FKBP1B: variants seen among roughly 807,000 people sequenced by gnomAD.
FKBP1B encodes peptidyl-prolyl cis-trans isomerase FKBP1B.
In FKBP1B, 4 loss-of-function variants were observed where a neutral mutation model predicts 13.5. The observed-to-expected ratio is 0.30, with a 90% CI of 0.15 to 0.68. FKBP1B has a LOEUF of 0.68. FKBP1B is among the 30% of genes least tolerant of loss of function. FKBP1B has a pLI of 0.76. For missense variants in FKBP1B, 93 were observed against 136.2 expected (o/e 0.68, Z 1.58); for synonymous variants, 54 against 53.6 (o/e 1.01, Z -0.03).
chr2:24,035,776 T>TA, the FKBP1B span, among the ~76,000 whole-genome samples: 11 of 150,056 alleles, frequency 7.3e-5, no homozygotes, highest in African/African-American at 1.7e-4. Flanking sequence ...TTTTTTTAAT[T>TA]AAAAAAAAAT....
chr2:24,061,640 T>G (rs940151492), intron 3 of FKBP1B, among the ~76,000 whole-genome samples: 9 of 152,204 alleles, frequency 5.9e-5, no homozygotes, highest in African/African-American at 1.9e-4. Context: ...CAGCTTCCCC[T>G]TCTTGCATAA....
the FKBP1B span, chr2:24,038,595 A>G: frequency 6.2e-7 from 1 of 1,613,942 alleles, no homozygotes. Flanking sequence ...TTAGACAAAT[A>G]AGAGAATTAC....
At chr2:24,052,790 G>A (rs952510884) in intron 1 of FKBP1B, among the ~76,000 whole-genome samples, 1 of 152,000 alleles carries the variant, frequency 6.6e-6, no homozygotes, top group African/African-American at 2.4e-5. Context: ...AACATGTTAA[G>A]ACCCTGTCTC....
At chr2:24,045,493 T>C (rs1202389078), upstream of FKBP1B, among the ~76,000 whole-genome samples, 1 of 150,194 alleles carries the variant, frequency 6.7e-6, no homozygotes, top group Non-Finnish European at 1.5e-5. Flanking sequence ...TCCAGCTACT[T>C]GGGAGGCTGC....
At chr2:24,047,717 G>A (rs985813539), upstream of FKBP1B, among the ~76,000 whole-genome samples, 5 of 152,110 alleles carry the variant, frequency 3.3e-5, no homozygotes, top group African/African-American at 1.2e-4. Context: ...GGATCACCAC[G>A]GCTTTTTAAC....
intron 3 of FKBP1B, among the ~76,000 whole-genome samples, chr2:24,062,856 G>C (rs1420965956): frequency 6.6e-6 from 1 of 152,220 alleles, no homozygotes. Flanking sequence ...GAGGGTTACT[G>C]CCCCACAGTC....
In FKBP1B at chr2:24,060,859, A is replaced by G. The variant is rs765862968; in HGVS notation, c.131A>G (p.Asn44Ser). The G allele has an allele frequency of 8.1e-6, 13 of 1,614,228 alleles. No individual in the cohort carries two copies. The South Asian group carries it at 1.3e-4, about 16-fold the overall frequency. Reference protein sequence around the residue: ...GKKFDSSRDRNKPFKFRIGKQ... With the variant: ...GKKFDSSRDRSKPFKFRIGKQ... ...AAGTTTGATTCATCCAGAGACAGAAACAAACCTTTCAAGTTCAGAATTGGC... is the reference window on the plus strand; with the variant it reads ...AAGTTTGATTCATCCAGAGACAGAAGCAAACCTTTCAAGTTCAGAATTGGC... Residue 44 changes from asparagine (N) to serine (S), a missense_variant, in exon 3 of 4, where the codon AAC becomes AGC. Asn to Ser is a conservative substitution (Grantham distance 46). Transcript: ENST00000380986.
intron 2 of FKBP1B, among the ~76,000 whole-genome samples, chr2:24,055,698 T>C (rs1043919223): frequency 6.6e-6 from 1 of 152,256 alleles, no homozygotes; most frequent in Admixed American, 6.5e-5. Context: ...GCAATTTATG[T>C]ATCCTCTCTA....
chr2:24,047,884 T>C (rs1288893900), upstream of FKBP1B, among the ~76,000 whole-genome samples: 1 of 152,202 alleles, frequency 6.6e-6, no homozygotes, highest in Non-Finnish European at 1.5e-5. Context: ...AGCCTATGGA[T>C]TTAGTGCGTC....
chr2:24,049,886 G>A lies in FKBP1B; in HGVS notation c.37G>A (p.Gly13Arg). The A allele has an allele frequency of 1.4e-6, 2 of 1,414,392 alleles. No individual in the cohort carries two copies. Among genetic ancestry groups the A allele is most frequent in the East Asian group, 3.0e-5 (1 of 33,166 alleles). The allele number at this position is 1,414,392 out of a possible 1,614,324, so 87.6% of individuals were successfully genotyped here. The change falls in exon 1 of 4, where the codon GGA becomes AGA. Residue 13 changes from glycine (G) to arginine (R), a missense_variant and splice_region_variant. Coordinates refer to ENST00000380986, the MANE Select transcript of FKBP1B (RefSeq NM_004116.5). ...GATCGAGACCATCTCCCCCGGAGAC[G>A]GTACCGGGCTCCCTCCGGAGCCAGG... ...VEIETISPGD[G>R]RTFPKKGQTC...
chr2:24,056,781 C>T (rs1664147791), intron 2 of FKBP1B, among the ~76,000 whole-genome samples: 1 of 152,088 alleles, frequency 6.6e-6, no homozygotes, highest in African/African-American at 2.4e-5. Context: ...ACCTACACTT[C>T]CCGGGTTCAA....
the FKBP1B span, chr2:24,038,278 T>C: frequency 1.2e-6 from 2 of 1,614,224 alleles, no homozygotes; most frequent in South Asian, 1.1e-5. Flanking sequence ...AGTGAGTTTT[T>C]GTTTTCCTAC....
At chr2:24,033,671 G>A in the FKBP1B span, among the ~76,000 whole-genome samples, 2 of 152,186 alleles carry the variant, frequency 1.3e-5, no homozygotes, top group East Asian at 1.9e-4. Flanking sequence ...AACCCAGGAG[G>A]CAAAGGTTGC....
In FKBP1B at chr2:24,050,413, C is replaced by T. The variant is rs867318696; in HGVS notation, c.37+527C>T. ...GGGAAGGGGGAAGCGCTCCCTTGCC[C>T]GCTTCCGGATCTCGCTTTATCCTGC... is the stretch of plus-strand genomic sequence containing the variant. On this transcript the variant is annotated intron_variant, in intron 1 of 3. Transcript: ENST00000380986. The surrounding 1 kb of genome is among the most constrained non-coding windows in gnomAD (Gnocchi z 5.8). Among the ~76,000 whole-genome samples, 1 of 152,184 alleles carries T rather than the reference C, an allele frequency of 6.6e-6. No individual in the cohort carries two copies. The highest frequency in any genetic ancestry group is 1.9e-4 in the East Asian group (1 of 5,182).
chr2:24,059,187 G>T (rs952480779), intron 2 of FKBP1B, among the ~76,000 whole-genome samples: 1 of 152,136 alleles, frequency 6.6e-6, no homozygotes, highest in Non-Finnish European at 1.5e-5. Flanking sequence ...GGTGGTCCAG[G>T]GACTGCCGGG....
At chr2:24,053,287 ATTTT>A (rs34185660) in intron 1 of FKBP1B, among the ~76,000 whole-genome samples, 7 of 110,124 alleles carry the variant, frequency 6.4e-5, no homozygotes, top group South Asian at 3.3e-4. Context: ...AATTGAAAAG[ATTTT>A]TTTTTTTTTT....
chr2:24,050,558 G>A lies in FKBP1B; in HGVS notation c.37+672G>A, dbSNP rs1418913677. Among the ~76,000 whole-genome samples, 1 of 152,148 alleles carries A rather than the reference G, an allele frequency of 6.6e-6. No individual in the cohort carries two copies. The highest frequency in any genetic ancestry group is 6.5e-5 in the Admixed American group (1 of 15,284). On this transcript the variant is annotated intron_variant, in intron 1 of 3. Coordinates refer to ENST00000380986, the MANE Select transcript of FKBP1B (RefSeq NM_004116.5). This position sits in a 1 kb window ranked among gnomAD's most constrained non-coding sequence, Gnocchi z 5.8. ...CCCTGGACGTCCCAGGGTGCTCCCT[G>A]GTCAGCAAGTCCAAAACAGAACTCT...
At chr2:24,054,060 G>A (rs1266606531) in intron 2 of FKBP1B, 111 bp downstream of exon 2, 2 of 1,028,416 alleles carry the variant, frequency 1.9e-6, no homozygotes, top group Admixed American at 3.7e-5. Flanking sequence ...AAAGCCCAAG[G>A]CAGCAGGGTC....
At chr2:24,039,255 C>A in the FKBP1B span, 3 of 1,614,260 alleles carry the variant, frequency 1.9e-6, no homozygotes, top group East Asian at 2.2e-5. Context: ...GCTTCTCATG[C>A]TGGACAGCGA....
Sources: allele counts gnomAD v4.1 joint callset (sites outside exome capture counted in the v4.1 genomes callset), GRCh38; gene constraint gnomAD v4.1.1; non-coding constraint Gnocchi (gnomAD v3.1); transcripts MANE v1.5; gene names NCBI Gene and HGNC (gene_info 2026-07-23, HGNC 2026-07-21).